Variants in LATS1 observed in about 807,000 individuals in gnomAD.
The protein encoded by LATS1 is large tumor suppressor kinase 1, also known as serine/threonine-protein kinase LATS1.
A neutral mutation model predicts 106.6 loss-of-function variants in LATS1; 25 were observed. That is an observed-to-expected ratio of 0.23 (90% CI 0.17 to 0.33). The LOEUF (loss-of-function observed/expected upper bound fraction) is 0.33. Among genes scored for constraint, LATS1 ranks in the 10% least tolerant of loss-of-function variants. LATS1 has a pLI of 1.00. For synonymous variants in LATS1, 465 were observed against 455.6 expected, an observed-to-expected ratio of 1.02 and a Z score of -0.26; for missense variants, 1,040 against 1,382.6, an observed-to-expected ratio of 0.75 and a Z score of 3.93.
chr6:149,698,040 C>T (rs1783199453), intron 2 of LATS1, among the ~76,000 whole-genome samples: 1 of 152,086 alleles, frequency 6.6e-6, no homozygotes, highest in Admixed American at 6.6e-5. Flanking sequence ...ACACCCGGCC[C>T]ATATTCTTGT....
rs1780828146 is a variant in LATS1 at position 149,660,002 on chromosome 6, A to G, written c.*1727T>C. 1 of 232,212 alleles carries G rather than the reference A, an allele frequency of 4.3e-6. No homozygotes were observed. The highest frequency in any genetic ancestry group is 8.5e-6 in the Non-Finnish European group (1 of 117,430). 14.4% of individuals were successfully genotyped at this position (232,212 alleles called of 1,614,324 possible). The stretch of plus-strand genomic sequence containing the variant: ...TCCATCACAAATTATCAGCTTATAT[A>G]AGATGTGCTGAGTAGTGATTGGTAA... On this transcript the variant is annotated 3_prime_UTR_variant, in exon 8 of 8. Coordinates refer to ENST00000543571, the MANE Select transcript of LATS1 (RefSeq NM_004690.4).
chr6:149,659,664 T>C lies in LATS1; in HGVS notation c.*2065A>G, dbSNP rs1780819346. The C allele has an allele frequency of 4.4e-6, 1 of 228,330 alleles. No individual in the cohort carries two copies. Among genetic ancestry groups the C allele is most frequent in the African/African-American group, 2.2e-5 (1 of 45,044 alleles). The allele number at this position is 228,330 out of a possible 1,614,324, so 14.1% of individuals were successfully genotyped here. A position where few individuals can be genotyped will look rare whatever the true frequency, so the allele number is the denominator to read the frequency against. On this transcript the variant is annotated 3_prime_UTR_variant, in exon 8 of 8. Coordinates refer to ENST00000543571, the MANE Select transcript of LATS1 (RefSeq NM_004690.4). ...AAATGAAAATTTAAATAAATCAGAC[T>C]GAAAAAGCCCAAAGAGTAAGAGGAA...
In LATS1 at chr6:149,658,491, T is replaced by C. The variant is rs985561714; in HGVS notation, c.*3238A>G. The C allele has an allele frequency of 6.6e-6, 1 of 152,190 alleles. No homozygotes were observed. The highest frequency in any genetic ancestry group is 1.5e-5 in the Non-Finnish European group (1 of 68,018). The allele number at this position is 152,190 out of a possible 1,614,324, so 9.4% of individuals were successfully genotyped here. ...TTTTGACCCAAATTACTTTTTGCTT[T>C]AGATTAAAATGAACAGGCTAAATGT... On this transcript the variant is annotated 3_prime_UTR_variant, in exon 8 of 8. Coordinates refer to ENST00000543571, the MANE Select transcript of LATS1 (RefSeq NM_004690.4).
At chr6:149,669,951 C>A (rs1223461061) in intron 7 of LATS1, among the ~76,000 whole-genome samples, 2 of 151,410 alleles carry the variant, frequency 1.3e-5, no homozygotes, top group African/African-American at 4.9e-5. Flanking sequence ...GCAGGTGGAT[C>A]ACTTGAGGTC....
chr6:149,693,296 A>T (rs1218830087), intron 3 of LATS1, among the ~76,000 whole-genome samples: 1 of 150,224 alleles, frequency 6.7e-6, no homozygotes, highest in Non-Finnish European at 1.5e-5. Context: ...AAAAAAATTA[A>T]AAGAGGTAAA....
intron 3 of LATS1, among the ~76,000 whole-genome samples, chr6:149,693,828 G>A (rs762431793): frequency 6.6e-6 from 1 of 151,608 alleles, no homozygotes; most frequent in African/African-American, 2.4e-5. Flanking sequence ...GGTGGCTCAC[G>A]CCTGTAATCC....
intron 3 of LATS1, among the ~76,000 whole-genome samples, chr6:149,685,396 A>G (rs1463643798): frequency 6.6e-6 from 1 of 151,914 alleles, no homozygotes; most frequent in Admixed American, 6.6e-5. Flanking sequence ...ATATATATCT[A>G]TATTTTTAAA....
Position 149,702,772 on chromosome 6 carries a change from A to G in LATS1, c.-140-506T>C, listed in dbSNP as rs542353544. 3.9e-5 allele frequency among the ~76,000 whole-genome samples: 6 copies of G among 152,214 alleles called. No individual in the cohort carries two copies. In the South Asian group the frequency reaches 1.2e-3, roughly 32 times the overall value. On this transcript the variant is annotated intron_variant, in intron 1 of 7. Transcript: ENST00000543571. Reference sequence around the variant, plus strand: ...CTGCAAACTCTGCCTCCTGGGTTCAAGCAATTCTCCTGCCTCAGCCTCCCC... The same window carrying G: ...CTGCAAACTCTGCCTCCTGGGTTCAGGCAATTCTCCTGCCTCAGCCTCCCC...
chr6:149,696,191 G>A (rs1183574404), intron 2 of LATS1, among the ~76,000 whole-genome samples: 1 of 150,808 alleles, frequency 6.6e-6, no homozygotes, highest in Non-Finnish European at 1.5e-5. Context: ...ACAGGTGTGA[G>A]CCACTGCTCC....
At chr6:149,691,256 T>G (rs749938447) in intron 3 of LATS1, among the ~76,000 whole-genome samples, 5 of 152,092 alleles carry the variant, frequency 3.3e-5, no homozygotes, top group Non-Finnish European at 1.5e-5. Flanking sequence ...CCCAGACACA[T>G]GCACATGCAG....
intron 3 of LATS1, among the ~76,000 whole-genome samples, chr6:149,687,380 C>T (rs988188552): frequency 3.9e-5 from 6 of 151,920 alleles, no homozygotes; most frequent in Non-Finnish European, 7.4e-5. Flanking sequence ...CATGAGCTAC[C>T]GCATCCAGCC....
At chr6:149,680,595 A>G in intron 4 of LATS1, 138 bp from the exon 5 acceptor site, 1 of 658,498 alleles carries the variant, frequency 1.5e-6, no homozygotes, top group South Asian at 2.1e-5. Flanking sequence ...AAATCTAGAA[A>G]ACATTTCAAA....
At chr6:149,695,301 C>T (rs1782995263) in intron 2 of LATS1, 80 bp from the exon 3 acceptor site, 1 of 825,680 alleles carries the variant, frequency 1.2e-6, no homozygotes, top group Non-Finnish European at 1.9e-6. Context: ...ACTATGAGTT[C>T]CACTAGAGAA....
At chr6:149,704,451 A>T (rs1044567767) in intron 1 of LATS1, among the ~76,000 whole-genome samples, 1 of 151,998 alleles carries the variant, frequency 6.6e-6, no homozygotes, top group Non-Finnish European at 1.5e-5. Flanking sequence ...AAAATATGCT[A>T]AAAAAACACT....
rs903621415 is a variant in LATS1 at position 149,705,088 on chromosome 6, G to GA, written c.-140-2823dup. ...CAAGCAGCTCACATTTCTCCACTTT[G>GA]AAAAAAAAAAAGATGAACTTTTTCA... On this transcript the variant is annotated intron_variant, in intron 1 of 7. Coordinates refer to ENST00000543571, the MANE Select transcript of LATS1 (RefSeq NM_004690.4). 1.4e-3 allele frequency among the ~76,000 whole-genome samples: 192 copies of GA among 139,476 alleles called. 2 individuals are homozygous for GA. In the South Asian group the frequency reaches 0.018, roughly 13 times the overall value. The allele number at this position is 139,476 out of a possible 152,430, so 91.5% of individuals were successfully genotyped here.
Position 149,695,099 on chromosome 6 carries a change from T to C in LATS1, c.471A>G (p.Arg157=). The C allele has an allele frequency of 6.2e-7, 1 of 1,609,150 alleles. No homozygotes were observed. The highest frequency in any genetic ancestry group is 8.5e-7 in the Non-Finnish European group (1 of 1,178,432). ...RREQMAAAAA[R]PINASMKPGN... is the part of the protein sequence containing the mutation. The stretch of plus-strand genomic sequence containing the variant: ...CTGGTTTCATGCTGGCATTAATAGG[T>C]CTGGCAGCTGCTGCAGCCATCTGCT... Residue 157 remains arginine, a synonymous_variant, in exon 3 of 8, where the codon AGA becomes AGG. Transcript: ENST00000543571.
rs1225601575 is a variant in LATS1, at chr6:149,684,253, C to A, written c.836G>T (p.Gly279Val). ...TCGGGAGATTACGTATTCCATGTTTCCAGAATAGCGCTTTGTTTGAGAGTT... is the reference window on the plus strand; with the variant it reads ...TCGGGAGATTACGTATTCCATGTTTACAGAATAGCGCTTTGTTTGAGAGTT... ...EPNSQTKRYS[G>V]NMEYVISRIS... is the part of the protein sequence containing the mutation. Residue 279 changes from glycine to valine, a missense_variant, in exon 4 of 8, where the codon GGA (glycine) becomes GTA (valine). By Grantham distance (109) the Gly-to-Val change is moderately radical. Transcript: ENST00000543571. 2 of 1,613,898 alleles carry A rather than the reference C, an allele frequency of 1.2e-6. No homozygotes were observed. The highest frequency in any genetic ancestry group is 1.7e-6 in the Non-Finnish European group (2 of 1,180,012).
At chr6:149,677,531 T>G (rs1420425921) in intron 5 of LATS1, among the ~76,000 whole-genome samples, 2 of 152,106 alleles carry the variant, frequency 1.3e-5, no homozygotes, top group Non-Finnish European at 2.9e-5. Context: ...TAACAGTATC[T>G]GATTTATGCT....
intron 2 of LATS1, 89 bp from the exon 3 acceptor site, chr6:149,695,310 A>C (rs1782995696): frequency 6.4e-6 from 5 of 776,654 alleles, no homozygotes; most frequent in African/African-American, 1.8e-5. Flanking sequence ...TCCACTAGAG[A>C]AATCCATAAT....
Sources: allele counts gnomAD v4.1 joint callset (sites outside exome capture counted in the v4.1 genomes callset), GRCh38; gene constraint gnomAD v4.1.1; transcripts MANE v1.5; gene names NCBI Gene and HGNC (gene_info 2026-07-23, HGNC 2026-07-21).